EZH2: variants seen among roughly 807,000 people sequenced by gnomAD.
EZH2 encodes histone-lysine N-methyltransferase EZH2.
EZH2 carries 18 observed loss-of-function variants against 98.4 expected under a neutral mutation model. The observed-to-expected ratio is 0.18, with a 90% CI of 0.13 to 0.27. The LOEUF is 0.27. EZH2 is among the 10% of genes least tolerant of loss of function. The pLI is 1.00. For missense variants in EZH2, 470 were observed against 935.1 expected (o/e 0.50, Z 6.49); for synonymous variants, 338 against 312.3 (o/e 1.08, Z -0.87).
intron 19 of EZH2, 87 bp downstream of exon 19, chr7:148,808,983 CA>C: frequency 4.8e-6 from 5 of 1,051,480 alleles, no homozygotes; most frequent in Non-Finnish European, 7.2e-6. Context: ...TCAAAAGAAG[CA>C]AAGAACTAAA....
chr7:148,860,964 C>T (rs1029134909), intron 1 of EZH2, among the ~76,000 whole-genome samples: 1 of 152,110 alleles, frequency 6.6e-6, no homozygotes, highest in Non-Finnish European at 1.5e-5. Context: ...TGAGCCACTA[C>T]ACCTGGCCTG....
intron 3 of EZH2, among the ~76,000 whole-genome samples, chr7:148,839,373 T>C (rs1023021715): frequency 6.6e-6 from 1 of 152,120 alleles, no homozygotes; most frequent in African/African-American, 2.4e-5. Context: ...GGTTAAATGA[T>C]ATTAGAATAT....
chr7:148,842,021 G>A (rs549015942), intron 3 of EZH2, among the ~76,000 whole-genome samples: 13 of 152,230 alleles, frequency 8.5e-5, no homozygotes, highest in East Asian at 3.9e-4. Flanking sequence ...TACGAGGACC[G>A]TGATCCCCTT....
At chr7:148,835,989 C>T (rs2129479970) in intron 3 of EZH2, among the ~76,000 whole-genome samples, 1 of 152,330 alleles carries the variant, frequency 6.6e-6, no homozygotes, top group African/African-American at 2.4e-5. Context: ...GCACTACGTA[C>T]TACTTCCAGT....
At chr7:148,884,038 G>A (rs1268332727) in intron 1 of EZH2, 126 bp downstream of exon 1, 3 of 151,536 alleles carry the variant, frequency 2.0e-5, no homozygotes, top group South Asian at 2.0e-4. Context: ...GCGGCGCCCC[G>A]GTGAGCCCCG....
intron 8 of EZH2, among the ~76,000 whole-genome samples, chr7:148,823,955 G>C (rs1037470569): frequency 2.0e-5 from 3 of 152,168 alleles, no homozygotes; most frequent in African/African-American, 7.2e-5. Context: ...CAACAGCTCT[G>C]TAAAGGAAGT....
At chr7:148,823,651 AC>A (rs1806816970) in intron 8 of EZH2, among the ~76,000 whole-genome samples, 2 of 149,768 alleles carry the variant, frequency 1.3e-5, no homozygotes, top group Non-Finnish European at 3.0e-5. Context: ...ACATTTTCAT[AC>A]TTTTTTTTTT....
At chr7:148,871,022 G>A (rs536205269) in intron 1 of EZH2, among the ~76,000 whole-genome samples, 1 of 152,106 alleles carries the variant, frequency 6.6e-6, no homozygotes, top group Non-Finnish European at 1.5e-5. Context: ...ATGATGCATG[G>A]TATTGAGTTT....
chr7:148,816,696 T>C lies in EZH2; in HGVS notation c.1493A>G (p.Lys498Arg). The change falls in exon 12 of 20, where the codon AAG becomes AGG. Residue 498 changes from lysine (K) to arginine (R), a missense_variant. By Grantham distance (26) the Lys-to-Arg change is conservative. Coordinates refer to ENST00000320356, the MANE Select transcript of EZH2 (RefSeq NM_004456.5). ...EDVDTPPRKK[K>R]RKHRLWAAHC... Reference sequence around the variant, plus strand: ...ATGACAGACTCACCGGTGTTTCCTCTTCTTTTTCCTTGGAGGAGTATCCAC... The same window carrying C: ...ATGACAGACTCACCGGTGTTTCCTCCTCTTTTTCCTTGGAGGAGTATCCAC... 6.2e-7 allele frequency: 1 copy of C among 1,613,890 alleles called. No individual in the cohort carries two copies. The highest frequency in any genetic ancestry group is 8.5e-7 in the Non-Finnish European group (1 of 1,179,758).
At chr7:148,871,896 G>A (rs1438416060) in intron 1 of EZH2, among the ~76,000 whole-genome samples, 1 of 151,980 alleles carries the variant, frequency 6.6e-6, no homozygotes, top group Non-Finnish European at 1.5e-5. Flanking sequence ...TTCTATCTAT[G>A]GCTGGTTGAA....
chr7:148,849,780 G>T (rs570634207), intron 1 of EZH2, among the ~76,000 whole-genome samples: 2 of 152,162 alleles, frequency 1.3e-5, no homozygotes, highest in East Asian at 1.9e-4. Flanking sequence ...GTTAACAGAT[G>T]AACTCAACTA....
intron 4 of EZH2, among the ~76,000 whole-genome samples, chr7:148,830,475 A>T (rs1336889884): frequency 1.3e-5 from 2 of 152,214 alleles, no homozygotes; most frequent in Non-Finnish European, 2.9e-5. Context: ...ACAGCCATTA[A>T]CTTGTAATAG....
intron 1 of EZH2, among the ~76,000 whole-genome samples, chr7:148,875,638 C>G (rs1820068346): frequency 6.6e-6 from 1 of 152,210 alleles, no homozygotes; most frequent in Admixed American, 6.5e-5. Context: ...AACTCCTGCA[C>G]AGTTACAACT....
intron 1 of EZH2, among the ~76,000 whole-genome samples, chr7:148,852,080 C>T (rs1815939679): frequency 6.6e-6 from 1 of 152,064 alleles, no homozygotes. Flanking sequence ...CAGATTATAC[C>T]TCTATTCATT....
At chr7:148,849,158 G>T (rs973185257) in intron 1 of EZH2, among the ~76,000 whole-genome samples, 7 of 151,982 alleles carry the variant, frequency 4.6e-5, no homozygotes, top group South Asian at 2.1e-4. Flanking sequence ...ATGAATTCAG[G>T]ATCCATGGAT....
At chr7:148,820,175 C>T (rs1052553783) in intron 8 of EZH2, among the ~76,000 whole-genome samples, 1 of 152,128 alleles carries the variant, frequency 6.6e-6, no homozygotes, top group Non-Finnish European at 1.5e-5. Flanking sequence ...ACATTCAATT[C>T]CTGTGAATCA....
intron 1 of EZH2, among the ~76,000 whole-genome samples, chr7:148,864,682 T>C (rs1818173585): frequency 1.2e-5 from 1 of 82,208 alleles, no homozygotes. Context: ...TGAGACTGTC[T>C]CAAAAAAAAA....
At chr7:148,811,008 C>T (rs1378959673) in intron 16 of EZH2, among the ~76,000 whole-genome samples, 10 of 151,788 alleles carry the variant, frequency 6.6e-5, no homozygotes, top group South Asian at 2.1e-4. Flanking sequence ...TAACTAATGA[C>T]GTTGTTGTTT....
chr7:148,851,887 T>C (rs1053976099), intron 1 of EZH2, among the ~76,000 whole-genome samples: 1 of 152,156 alleles, frequency 6.6e-6, no homozygotes, highest in African/African-American at 2.4e-5. Flanking sequence ...AGTAAAATAA[T>C]AAAATACAGC....
Sources: gnomAD v4.1 joint callset for allele counts (sites outside exome capture counted in the v4.1 genomes callset) on GRCh38, gnomAD v4.1.1 for gene constraint, MANE v1.5 for transcripts, NCBI Gene and HGNC (gene_info 2026-07-23, HGNC 2026-07-21) for gene names.